The following HS3ST3B1 variants were observed in gnomAD, a reference collection of about 807,000 sequenced individuals.
HS3ST3B1 encodes heparan sulfate glucosamine 3-O-sulfotransferase 3B1.
In HS3ST3B1, 13 loss-of-function variants were observed where a neutral mutation model predicts 21.3. That is an observed-to-expected ratio of 0.61 (90% CI 0.40 to 0.97). The LOEUF (loss-of-function observed/expected upper bound fraction) is 0.97. HS3ST3B1 is among the 50% of genes least tolerant of loss of function. HS3ST3B1 has a pLI of 0.00. For synonymous variants in HS3ST3B1, 234 were observed against 254.8 expected, an observed-to-expected ratio of 0.92 and a Z score of 0.78; for missense variants, 459 against 554.8, an observed-to-expected ratio of 0.83 and a Z score of 1.73.
chr17:14,333,601 A>AG (rs1257442636), intron 1 of HS3ST3B1, among the ~76,000 whole-genome samples: 2 of 149,462 alleles, frequency 1.3e-5, no homozygotes, highest in Non-Finnish European at 3.0e-5. Flanking sequence ...GCTGTGGGTG[A>AG]GGGGGCGGGG....
At chr17:14,336,274 T>C (rs2142348921) in intron 1 of HS3ST3B1, among the ~76,000 whole-genome samples, 1 of 152,216 alleles carries the variant, frequency 6.6e-6, no homozygotes, top group East Asian at 1.9e-4. Flanking sequence ...TTCAATAATC[T>C]TTTTTATTGT....
chr17:14,329,789 T>C (rs1375550377), intron 1 of HS3ST3B1, among the ~76,000 whole-genome samples: 1 of 152,234 alleles, frequency 6.6e-6, no homozygotes, highest in African/African-American at 2.4e-5. Flanking sequence ...TAAATATTTG[T>C]TGTTACTTGA....
At chr17:14,329,603 G>C (rs1229714678) in intron 1 of HS3ST3B1, 1 of 152,138 alleles carries the variant, frequency 6.6e-6, no homozygotes, top group Non-Finnish European at 1.5e-5. Flanking sequence ...GTTAAAAGCT[G>C]CCTAATTTCC....
At chr17:14,342,073 A>G (rs1433744747) in intron 1 of HS3ST3B1, among the ~76,000 whole-genome samples, 1 of 152,200 alleles carries the variant, frequency 6.6e-6, no homozygotes, top group Non-Finnish European at 1.5e-5. Context: ...GTCTGCAAGA[A>G]GGAGTGCCCG....
In HS3ST3B1 at chr17:14,319,124, C is replaced by T. The variant is rs868329477; in HGVS notation, c.554+17052C>T. On this transcript the variant is annotated intron_variant, in intron 1 of 1. Transcript: ENST00000360954. ...GGAGAGAGGCACTAGCAGACAGCAGCGGTCTGGGCTGCAGGTAAAGGTGCC... is the reference window on the plus strand; with the variant it reads ...GGAGAGAGGCACTAGCAGACAGCAGTGGTCTGGGCTGCAGGTAAAGGTGCC... 3.9e-5 allele frequency among the ~76,000 whole-genome samples: 6 copies of T among 152,188 alleles called. No homozygotes were observed. In the East Asian group the frequency reaches 9.6e-4, roughly 24 times the overall value.
chr17:14,316,249 C>A (rs1478053238), intron 1 of HS3ST3B1, among the ~76,000 whole-genome samples: 2 of 152,208 alleles, frequency 1.3e-5, no homozygotes, highest in Non-Finnish European at 2.9e-5. Context: ...CCCCTGGCCC[C>A]AGATGATTGC....
At chr17:14,337,052 C>G (rs934980754) in intron 1 of HS3ST3B1, among the ~76,000 whole-genome samples, 6 of 152,134 alleles carry the variant, frequency 3.9e-5, no homozygotes, top group Non-Finnish European at 8.8e-5. Context: ...CAGCCACAAA[C>G]TCTTATACAA....
At chr17:14,334,341 A>G (rs955871849) in intron 1 of HS3ST3B1, among the ~76,000 whole-genome samples, 6 of 151,816 alleles carry the variant, frequency 4.0e-5, no homozygotes, top group African/African-American at 1.5e-4. Context: ...GGGAAGGTAC[A>G]GATATTTATT....
chr17:14,332,521 C>T (rs1296977323), intron 1 of HS3ST3B1, among the ~76,000 whole-genome samples: 1 of 152,060 alleles, frequency 6.6e-6, no homozygotes, highest in Non-Finnish European at 1.5e-5. Context: ...CCGCTCCCAC[C>T]GCCCGTTCAA....
rs200359911 is a variant in HS3ST3B1, at chr17:14,345,547, T to A, written c.1074T>A (p.Pro358=). The A allele has an allele frequency of 6.4e-4, 1,018 of 1,597,616 alleles. 5 individuals carry two copies. Among genetic ancestry groups the A allele is most frequent in the Non-Finnish European group, 4.7e-4 (554 of 1,171,268 alleles). Residue 358 remains proline (P), a synonymous_variant, in exon 2 of 2, where the codon CCT becomes CCA. Coordinates refer to ENST00000360954, the MANE Select transcript of HS3ST3B1 (RefSeq NM_006041.3). ...CLGKTKGRTH[P]EIDREVVRRL... ...GCAAGACCAAGGGCAGGACCCATCCTGAGATCGACCGCGAGGTGGTGCGCA... is the reference window on the plus strand; with the variant it reads ...GCAAGACCAAGGGCAGGACCCATCCAGAGATCGACCGCGAGGTGGTGCGCA...
intron 1 of HS3ST3B1, among the ~76,000 whole-genome samples, chr17:14,313,126 G>GTATATATATACATA (rs1909381390): frequency 4.1e-5 from 2 of 48,810 alleles, no homozygotes; most frequent in African/African-American, 1.9e-4. Context: ...ATATATATGT[G>GTATATATATACATA]TGTGTGTGTA....
chr17:14,310,179 C>A (rs1267275505), intron 1 of HS3ST3B1, among the ~76,000 whole-genome samples: 2 of 152,134 alleles, frequency 1.3e-5, no homozygotes, highest in African/African-American at 2.4e-5. Flanking sequence ...GAGGAAAAGG[C>A]CAGTATCTCA....
In HS3ST3B1 at chr17:14,345,757, C is replaced by A; in HGVS notation, c.*111C>A. 1.5e-6 allele frequency: 2 copies of A among 1,325,886 alleles called. No individual in the cohort carries two copies. The highest frequency in any genetic ancestry group is 2.0e-6 in the Non-Finnish European group (2 of 989,858). The allele number at this position is 1,325,886 out of a possible 1,614,324, so 82.1% of individuals were successfully genotyped here. On this transcript the variant is annotated 3_prime_UTR_variant, in exon 2 of 2. Transcript: ENST00000360954. ...TAATAATTTATTTTTAATTCATAAG[C>A]AATTAATTCACTAAGCTGCCTAGCC...
rs1910610982 is a variant in HS3ST3B1 at position 14,347,374 on chromosome 17, T to G, written c.*1728T>G. On this transcript the variant is annotated 3_prime_UTR_variant, in exon 2 of 2. Coordinates refer to ENST00000360954, the MANE Select transcript of HS3ST3B1 (RefSeq NM_006041.3). ...ATACAGGGGCAGTTGGTTAAACATA[T>G]AGCAATATCACATAATGATATGTTT... 6.6e-6 allele frequency: 1 copy of G among 152,210 alleles called. No individual in the cohort carries two copies. Among genetic ancestry groups the G allele is most frequent in the African/African-American group, 2.4e-5 (1 of 41,462 alleles). The allele number at this position is 152,210 out of a possible 1,614,324, so 9.4% of individuals were successfully genotyped here. A position where few individuals can be genotyped will look rare whatever the true frequency, so the allele number is the denominator to read the frequency against.
intron 1 of HS3ST3B1, among the ~76,000 whole-genome samples, chr17:14,309,234 G>A (rs1909226996): frequency 6.6e-6 from 1 of 152,220 alleles, no homozygotes; most frequent in Admixed American, 6.5e-5. Context: ...CCCTGGTGTC[G>A]CGCGGGATCG....
At position 14,301,510 on chromosome 17, in the gene HS3ST3B1, G is replaced by A. The variant is rs1908919077; in HGVS notation, c.-9G>A. ...GAGCCATGTCCCTGGCCGCGCCCGC[G>A]GGCAGCGCATGGGGCAGCGCCTGAG... On this transcript the variant is annotated 5_prime_UTR_variant, in exon 1 of 2. Transcript: ENST00000360954. 2 of 1,513,438 alleles carry A rather than the reference G, an allele frequency of 1.3e-6. No individual in the cohort carries two copies. Among genetic ancestry groups the A allele is most frequent in the South Asian group, 2.5e-5 (2 of 79,300 alleles). The allele number at this position is 1,513,438 out of a possible 1,614,324, so 93.8% of individuals were successfully genotyped here.
Position 14,301,563 on chromosome 17 carries a change from C to G in HS3ST3B1, c.45C>G (p.Pro15=), listed in dbSNP as rs1415838177. 1 of 1,592,148 alleles carries G rather than the reference C, an allele frequency of 6.3e-7. No individual in the cohort carries two copies. Among genetic ancestry groups the G allele is most frequent in the Non-Finnish European group, 8.5e-7 (1 of 1,176,072 alleles). The change falls in exon 1 of 2, where the codon CCC becomes CCG. Residue 15 remains proline (P), a synonymous_variant. Transcript: ENST00000360954. The part of the protein sequence containing the change: ...LSGGRSCLDV[P]GRLLPQPPPP... ...GCGGCAGATCTTGCCTCGATGTCCC[C>G]GGCCGGCTCCTACCGCAGCCGCCGC...
intron 1 of HS3ST3B1, among the ~76,000 whole-genome samples, chr17:14,330,392 G>T (rs762890011): frequency 6.6e-6 from 1 of 152,112 alleles, no homozygotes; most frequent in Non-Finnish European, 1.5e-5. Flanking sequence ...TACACGCGGA[G>T]AACTGAGCAC....
At chr17:14,340,010 G>C (rs1910322013) in intron 1 of HS3ST3B1, among the ~76,000 whole-genome samples, 1 of 152,164 alleles carries the variant, frequency 6.6e-6, no homozygotes, top group Non-Finnish European at 1.5e-5. Flanking sequence ...CGCGGTTGTA[G>C]GGTGAGGGTG....
Sources: allele counts gnomAD v4.1 joint callset (sites outside exome capture counted in the v4.1 genomes callset), GRCh38; gene constraint gnomAD v4.1.1; transcripts MANE v1.5; gene names NCBI Gene and HGNC (gene_info 2026-07-23, HGNC 2026-07-21).